The following DMGDH variants were observed in gnomAD, a reference collection of about 807,000 sequenced individuals.
The protein encoded by DMGDH is dimethylglycine dehydrogenase, mitochondrial.
In DMGDH, 76 loss-of-function variants were observed where a neutral mutation model predicts 95.2. The ratio of observed to expected loss-of-function variants is 0.80; its 90% CI spans 0.66 to 0.97. The LOEUF (loss-of-function observed/expected upper bound fraction) is 0.97. Among genes scored for constraint, DMGDH ranks in the 50% least tolerant of loss-of-function variants. The pLI is 0.00. For missense variants in DMGDH, 987 were observed against 1,055.0 expected, an observed-to-expected ratio of 0.94 and a Z score of 0.89; for synonymous variants, 345 against 377.6, an observed-to-expected ratio of 0.91 and a Z score of 1.00.
chr5:78,999,978 A>G (rs1008567532), intron 15 of DMGDH: 4 of 236,318 alleles, frequency 1.7e-5, no homozygotes, highest in Non-Finnish European at 3.3e-5. Context: ...GAAATTTCAC[A>G]ATCACCAATT....
At chr5:79,029,833 A>C in intron 11 of DMGDH, 71 bp downstream of exon 11, 1 of 1,518,468 alleles carries the variant, frequency 6.6e-7, no homozygotes, top group Non-Finnish European at 9.0e-7. Flanking sequence ...TACTGGTAAA[A>C]AGAAAAACTT....
rs759893220 is a variant in DMGDH at position 79,063,742 on chromosome 5, T to A, written c.147A>T (p.Arg49Ser). Residue 49 changes from arginine to serine, a missense_variant, in exon 2 of 16, where the codon AGA (arginine) becomes AGT (serine). Transcript: ENST00000255189. ...PLSAETQWKDRAETVIIGGGC... is the reference protein window; with the variant it reads ...PLSAETQWKDSAETVIIGGGC... ...CACCTCCAATTATCACTGTTTCTGC[T>A]CTGTCTTTCCATTGTGTTTCTGCAG... 1 of 1,614,180 alleles carries A rather than the reference T, an allele frequency of 6.2e-7. No homozygotes were observed. Among genetic ancestry groups the A allele is most frequent in the Non-Finnish European group, 8.5e-7 (1 of 1,180,028 alleles).
intron 5 of DMGDH, among the ~76,000 whole-genome samples, chr5:79,045,414 T>G (rs1019856054): frequency 6.6e-6 from 1 of 152,178 alleles, no homozygotes; most frequent in Non-Finnish European, 1.5e-5. Flanking sequence ...GACCCTTGAT[T>G]CTTTCCCAGG....
intron 7 of DMGDH, among the ~76,000 whole-genome samples, chr5:79,039,088 G>A (rs1375380440): frequency 6.7e-6 from 1 of 148,878 alleles, no homozygotes; most frequent in African/African-American, 2.5e-5. Context: ...GGAGAAATAG[G>A]AACACTTTTA....
rs1561206454 is a variant in DMGDH, at chr5:79,006,847, C to CG, written c.2251-1441_2251-1440insC. Among the ~76,000 whole-genome samples the CG allele has an allele frequency of 8.7e-5, 11 of 127,002 alleles. 1 individual carries two copies. The highest frequency in any genetic ancestry group is 1.8e-4 in the African/African-American group (6 of 34,038). The allele number at this position is 127,002 out of a possible 152,430, so 83.3% of individuals were successfully genotyped here. ...GTCCTCACACACCCTCACCTGAGACCCCCCCAGTCCATTCCTTTCCTAGTT... is the reference window on the plus strand; with the variant it reads ...GTCCTCACACACCCTCACCTGAGACCGCCCCCAGTCCATTCCTTTCCTAGTT... On this transcript the variant is annotated intron_variant, in intron 14 of 15. Coordinates refer to ENST00000255189, the MANE Select transcript of DMGDH (RefSeq NM_013391.3).
chr5:79,048,725 C>T (rs1350072802), intron 5 of DMGDH, among the ~76,000 whole-genome samples: 4 of 151,942 alleles, frequency 2.6e-5, no homozygotes, highest in African/African-American at 9.7e-5. Context: ...CTTTTAAATA[C>T]AGATGTTTTG....
At chr5:79,000,976 TG>T in intron 15 of DMGDH, 1 of 698,688 alleles carries the variant, frequency 1.4e-6, no homozygotes, top group South Asian at 1.7e-5. Flanking sequence ...AGTGTCCATT[TG>T]GGGTCATCTA....
chr5:79,006,836 T>C (rs1753554183), intron 14 of DMGDH, among the ~76,000 whole-genome samples: 1 of 133,136 alleles, frequency 7.5e-6, no homozygotes, highest in African/African-American at 2.8e-5. Flanking sequence ...TCACACACCC[T>C]CACCTGAGAC....
chr5:79,063,395 C>T (rs1244706813), intron 2 of DMGDH, among the ~76,000 whole-genome samples: 1 of 152,086 alleles, frequency 6.6e-6, no homozygotes, highest in Non-Finnish European at 1.5e-5. Flanking sequence ...AATTGCAAAG[C>T]CAGGATTCGA....
Position 79,054,267 on chromosome 5 carries a change from G to A in DMGDH, c.457C>T (p.Arg153Trp), listed in dbSNP as rs537451670. The A allele has an allele frequency of 1.2e-5, 19 of 1,614,048 alleles. No homozygotes were observed. Among genetic ancestry groups the A allele is most frequent in the African/African-American group, 2.7e-5 (2 of 75,048 alleles). ...RVDEFKYQMT[R>W]TGWHATEQYL... ...TGTTCTGTTGCATGCCAGCCAGTCC[G>A]AGTCATTTGATATTTAAATTCATCT... is the stretch of plus-strand genomic sequence containing the variant. Residue 153 changes from arginine (R) to tryptophan (W), a missense_variant, in exon 4 of 16, where the codon CGG (arginine) becomes TGG (tryptophan). Physicochemically the swap from Arg to Trp is moderately radical, Grantham distance 101. Transcript: ENST00000255189.
At chr5:79,016,045 C>A (rs192386662) in intron 14 of DMGDH, among the ~76,000 whole-genome samples, 51 of 151,918 alleles carry the variant, frequency 3.4e-4, no homozygotes, top group East Asian at 2.7e-3. Flanking sequence ...CCATCTTGGC[C>A]AACATGGTGA....
In DMGDH at chr5:79,010,444, A is replaced by C. The variant is rs142626575; in HGVS notation, c.2251-5037T>G. On this transcript the variant is annotated intron_variant, in intron 14 of 15. Transcript: ENST00000255189. ...ATCTATATGGAGTCAAAAACCCATC[A>C]GAAAATCCAAAGAAGTCATCAATTT... Among the ~76,000 whole-genome samples, 817 of 152,306 alleles carry C rather than the reference A, an allele frequency of 5.4e-3. 7 individuals carry two copies. The highest frequency in any genetic ancestry group is 0.018 in the African/African-American group (751 of 41,558).
At chr5:79,018,647 CT>C (rs1753794254) in intron 14 of DMGDH, among the ~76,000 whole-genome samples, 1 of 152,032 alleles carries the variant, frequency 6.6e-6, no homozygotes, top group Non-Finnish European at 1.5e-5. Context: ...AAATTGCTTA[CT>C]TTAAATATGT....
chr5:79,015,626 ATGTTG>A (rs1753718104), intron 14 of DMGDH, among the ~76,000 whole-genome samples: 1 of 152,226 alleles, frequency 6.6e-6, no homozygotes, highest in African/African-American at 2.4e-5. Context: ...AACAAAACAT[ATGTTG>A]TATGGCCAGC....
intron 1 of DMGDH, among the ~76,000 whole-genome samples, chr5:79,067,863 A>G (rs1232708321): frequency 6.6e-6 from 1 of 152,204 alleles, no homozygotes; most frequent in African/African-American, 2.4e-5. Flanking sequence ...ACATTTTTTG[A>G]TAGTTTGAAA....
intron 15 of DMGDH, among the ~76,000 whole-genome samples, chr5:79,001,600 G>C (rs928839928): frequency 1.3e-5 from 2 of 152,194 alleles, no homozygotes; most frequent in African/African-American, 4.8e-5. Context: ...AAGAGACCTA[G>C]GCCAGTCTCA....
At chr5:79,017,545 C>T (rs1753757664) in intron 14 of DMGDH, among the ~76,000 whole-genome samples, 1 of 152,194 alleles carries the variant, frequency 6.6e-6, no homozygotes, top group South Asian at 2.1e-4. Flanking sequence ...TGGAACTTCA[C>T]ATACTGCTGG....
chr5:79,054,187 A>C lies in DMGDH; in HGVS notation c.537T>G (p.Asn179Lys). 6.2e-7 allele frequency: 1 copy of C among 1,613,844 alleles called. No homozygotes were observed. The highest frequency in any genetic ancestry group is 1.1e-5 in the South Asian group (1 of 91,082). ...IQEMFPLLNM[N>K]KVLAGLYNPG... is the part of the protein sequence containing the mutation. ...AAAATGCCCTTAAGATAAATACCTT[A>C]TTCATGTTGAGTAAAGGGAACATCT... Residue 179 changes from asparagine to lysine, a missense_variant, in exon 4 of 16, where the codon AAT becomes AAG. By Grantham distance (94) the Asn-to-Lys change is moderately conservative (BLOSUM62 0). Coordinates refer to ENST00000255189, the MANE Select transcript of DMGDH (RefSeq NM_013391.3).
chr5:79,005,416 A>G lies in DMGDH; in HGVS notation c.2251-9T>C. 1 of 1,614,102 alleles carries G rather than the reference A, an allele frequency of 6.2e-7. No individual in the cohort carries two copies. Among genetic ancestry groups the G allele is most frequent in the Non-Finnish European group, 8.5e-7 (1 of 1,180,002 alleles). ...CCTATGAAGTCTGCTGGCTGCAGGAATCCAAGATAATGATGATGAATGAAT... is the reference window on the plus strand; with the variant it reads ...CCTATGAAGTCTGCTGGCTGCAGGAGTCCAAGATAATGATGATGAATGAAT... On this transcript the variant is annotated splice_polypyrimidine_tract_variant and intron_variant, in intron 14 of 15. Transcript: ENST00000255189.
Sources: allele counts gnomAD v4.1 joint callset (sites outside exome capture counted in the v4.1 genomes callset), GRCh38; gene constraint gnomAD v4.1.1; transcripts MANE v1.5; gene names NCBI Gene and HGNC (gene_info 2026-07-23, HGNC 2026-07-21).